The following PLCB1 variants were observed in gnomAD, a reference collection of about 807,000 sequenced individuals.
PLCB1 encodes phospholipase C beta 1.
Under a neutral mutation model 161.8 loss-of-function variants are expected in PLCB1, and 46 were observed. That is an observed-to-expected ratio of 0.28 (90% CI 0.22 to 0.36). The LOEUF (loss-of-function observed/expected upper bound fraction) is 0.36. PLCB1 is among the 10% of genes least tolerant of loss of function. PLCB1 has a pLI of 1.00. For synonymous variants in PLCB1, 517 were observed against 503.7 expected, an observed-to-expected ratio of 1.03 and a Z score of -0.35; for missense variants, 1,016 against 1,472.5, an observed-to-expected ratio of 0.69 and a Z score of 5.07.
chr20:8,490,066 G>A (rs1982882471), intron 3 of PLCB1, among the ~76,000 whole-genome samples: 1 of 152,158 alleles, frequency 6.6e-6, no homozygotes, highest in African/African-American at 2.4e-5. Flanking sequence ...GAAGAGTCTA[G>A]TCCTGTGGTA....
chr20:8,395,438 C>T (rs1351886151), intron 3 of PLCB1, among the ~76,000 whole-genome samples: 4 of 151,916 alleles, frequency 2.6e-5, no homozygotes, highest in Non-Finnish European at 5.9e-5. Flanking sequence ...CTGTCCTACA[C>T]ATATACCAAA....
At chr20:8,592,670 A>C (rs1356209597) in intron 3 of PLCB1, among the ~76,000 whole-genome samples, 1 of 152,236 alleles carries the variant, frequency 6.6e-6, no homozygotes, top group Admixed American at 6.5e-5. Flanking sequence ...ACATGTGATC[A>C]GGAGTGGAAT....
At chr20:8,825,047 C>A (rs1055966731) in intron 31 of PLCB1, among the ~76,000 whole-genome samples, 3 of 152,188 alleles carry the variant, frequency 2.0e-5, no homozygotes, top group Admixed American at 1.3e-4. Flanking sequence ...ATAGACTCAC[C>A]TACACTATCC....
intron 3 of PLCB1, among the ~76,000 whole-genome samples, chr20:8,445,905 G>T (rs1980801466): frequency 6.6e-6 from 1 of 152,154 alleles, no homozygotes; most frequent in Non-Finnish European, 1.5e-5. Flanking sequence ...TTTGTATCCT[G>T]AGACTTTGCT....
At chr20:8,156,817 A>G (rs183703214) in intron 2 of PLCB1, among the ~76,000 whole-genome samples, 3 of 152,346 alleles carry the variant, frequency 2.0e-5, no homozygotes, top group East Asian at 3.9e-4. Flanking sequence ...ATGACTTAGC[A>G]TAACACCTGC....
chr20:8,590,975 C>T (rs924000493), intron 3 of PLCB1, among the ~76,000 whole-genome samples: 22 of 152,106 alleles, frequency 1.4e-4, no homozygotes, highest in South Asian at 8.3e-4. Context: ...TCTCCCTCCC[C>T]CTCCCCGACC....
intron 3 of PLCB1, among the ~76,000 whole-genome samples, chr20:8,594,067 T>C (rs1427948505): frequency 6.6e-6 from 1 of 152,010 alleles, no homozygotes; most frequent in Non-Finnish European, 1.5e-5. Flanking sequence ...TTTTTTGTTA[T>C]AGACAGGGTC....
chr20:8,615,578 C>T (rs988688349), intron 3 of PLCB1, among the ~76,000 whole-genome samples: 4 of 152,080 alleles, frequency 2.6e-5, no homozygotes, highest in African/African-American at 9.7e-5. Context: ...CTTTAGAAAC[C>T]ATTCTTTGAT....
chr20:8,154,995 T>C (rs1188188746), intron 2 of PLCB1, among the ~76,000 whole-genome samples: 1 of 152,180 alleles, frequency 6.6e-6, no homozygotes, highest in East Asian at 1.9e-4. Flanking sequence ...CCGTTATTAA[T>C]CTAGGTTTTT....
At chr20:8,162,281 C>T (rs1326653891) in intron 2 of PLCB1, among the ~76,000 whole-genome samples, 2 of 152,098 alleles carry the variant, frequency 1.3e-5, no homozygotes, top group Non-Finnish European at 1.5e-5. Context: ...AAATTCCATA[C>T]TTAATTAAAT....
intron 2 of PLCB1, among the ~76,000 whole-genome samples, chr20:8,246,734 G>T (rs1055671477): frequency 5.3e-5 from 8 of 151,812 alleles, no homozygotes; most frequent in Non-Finnish European, 1.0e-4. Context: ...GTATGTGTGT[G>T]CATATGTGTT....
intron 3 of PLCB1, among the ~76,000 whole-genome samples, chr20:8,568,045 A>G (rs1183806937): frequency 6.6e-6 from 1 of 152,132 alleles, no homozygotes; most frequent in Non-Finnish European, 1.5e-5. Flanking sequence ...TTAGCAACAC[A>G]TTTTTCTTTA....
intron 3 of PLCB1, among the ~76,000 whole-genome samples, chr20:8,573,271 A>G (rs533909165): frequency 6.6e-6 from 1 of 152,278 alleles, no homozygotes; most frequent in South Asian, 2.1e-4. Flanking sequence ...GCCTCTCTAG[A>G]AAAAGGAGGA....
intron 31 of PLCB1, among the ~76,000 whole-genome samples, chr20:8,807,846 A>G (rs1423181977): frequency 6.6e-6 from 1 of 152,202 alleles, no homozygotes. Flanking sequence ...TTATATTTAA[A>G]TATAAATATA....
intron 2 of PLCB1, among the ~76,000 whole-genome samples, chr20:8,261,631 G>A (rs1383104475): frequency 1.3e-5 from 2 of 152,040 alleles, no homozygotes; most frequent in South Asian, 2.1e-4. Context: ...TTTTATCTAG[G>A]AGCCCAAGAA....
chr20:8,483,825 A>C (rs1982607779), intron 3 of PLCB1, among the ~76,000 whole-genome samples: 1 of 152,230 alleles, frequency 6.6e-6, no homozygotes, highest in Admixed American at 6.5e-5. Flanking sequence ...AATGGATCGA[A>C]GACAATGGAC....
chr20:8,865,804 T>C (rs1451690939), intron 31 of PLCB1, among the ~76,000 whole-genome samples: 3 of 152,228 alleles, frequency 2.0e-5, no homozygotes, highest in African/African-American at 7.2e-5. Context: ...TAGGGAGGAC[T>C]TGTAAACATT....
chr20:8,556,035 T>C (rs1031390967), intron 3 of PLCB1, among the ~76,000 whole-genome samples: 2 of 152,086 alleles, frequency 1.3e-5, no homozygotes, highest in Admixed American at 6.6e-5. Context: ...TGTTGATGTG[T>C]TGGGAAGCCC....
chr20:8,863,357 T>TA lies in PLCB1; in HGVS notation c.3424-18264dup, dbSNP rs747026052. On this transcript the variant is annotated intron_variant, in intron 31 of 31. Coordinates refer to ENST00000338037, the MANE Select transcript of PLCB1 (RefSeq NM_015192.4). Reference sequence around the variant, plus strand: ...CTGACACTACTTTTTTGGCAAGACTTAGCCATTAAATACATGAATGATCCT... The same window carrying TA: ...CTGACACTACTTTTTTGGCAAGACTTAAGCCATTAAATACATGAATGATCCT... 7.2e-4 allele frequency among the ~76,000 whole-genome samples: 110 copies of TA among 152,226 alleles called. 2 individuals are homozygous for TA. The highest frequency in any genetic ancestry group is 2.4e-4 in the Non-Finnish European group (16 of 68,036).
Sources: gnomAD v4.1 joint callset for allele counts (sites outside exome capture counted in the v4.1 genomes callset) on GRCh38, gnomAD v4.1.1 for gene constraint, MANE v1.5 for transcripts, NCBI Gene and HGNC (gene_info 2026-07-23, HGNC 2026-07-21) for gene names.